The following RNF112 variants were observed in gnomAD, a reference collection of about 807,000 sequenced individuals.
RNF112 encodes brain finger protein.
A neutral mutation model predicts 64.7 loss-of-function variants in RNF112; 34 were observed. The observed-to-expected ratio is 0.53, with a 90% CI of 0.40 to 0.70. The LOEUF is 0.70. Ranked by LOEUF, RNF112 falls within the 30% of genes least tolerant of loss-of-function variation. The pLI is 0.00. For missense variants in RNF112, 734 were observed against 850.0 expected, an observed-to-expected ratio of 0.86 and a Z score of 1.70; for synonymous variants, 345 against 344.5, an observed-to-expected ratio of 1.00 and a Z score of -0.02.
chr17:19,415,853 A>T lies in RNF112; in HGVS notation c.1574A>T (p.Glu525Val). 5 of 1,613,742 alleles carry T rather than the reference A, an allele frequency of 3.1e-6. No individual in the cohort carries two copies. The highest frequency in any genetic ancestry group is 4.2e-6 in the Non-Finnish European group (5 of 1,179,846). The change falls in exon 14 of 14, where the codon GAA (glutamate) becomes GTA (valine). Residue 525 changes from glutamate (E) to valine (V), a missense_variant. By Grantham distance (121) the Glu-to-Val change is moderately radical. Transcript: ENST00000461366. This position sits in a 1 kb window ranked among gnomAD's most constrained non-coding sequence, Gnocchi z 7.8. Reference protein sequence around the residue: ...KGRDQTLEALEAELQATAKAF... With the variant: ...KGRDQTLEALVAELQATAKAF... ...AGAGATCAGACCTTGGAGGCACTGG[A>T]AGCTGAGCTGCAGGCCACGGCCAAG...
Position 19,413,167 on chromosome 17 carries a change from G to C in RNF112, c.588+23G>C. ...CTGGTGAGGGCGGGGCGGGGCAGGA[G>C]GGAGGCGGGGAGCAAGGATGGGGGT... is the stretch of plus-strand genomic sequence containing the variant. On this transcript the variant is annotated intron_variant, in intron 4 of 13. Transcript: ENST00000461366. The surrounding 1 kb of genome is among the most constrained non-coding windows in gnomAD (Gnocchi z 5.9). The C allele has an allele frequency of 6.2e-7, 1 of 1,604,672 alleles. No individual in the cohort carries two copies. Among genetic ancestry groups the C allele is most frequent in the Non-Finnish European group, 8.5e-7 (1 of 1,174,798 alleles).
At position 19,413,928 on chromosome 17, in the gene RNF112, G is replaced by A. The variant is rs116952841; in HGVS notation, c.826-167G>A. 6.6e-6 allele frequency among the ~76,000 whole-genome samples: 1 copy of A among 152,154 alleles called. No homozygotes were observed. The highest frequency in any genetic ancestry group is 2.4e-5 in the African/African-American group (1 of 41,442). ...CACATTACCCTCCAGGCTTGTCTCC[G>A]GCCTTGAGGCCAGCCCAGCCCTGCA... On this transcript the variant is annotated intron_variant, in intron 6 of 13. Coordinates refer to ENST00000461366, the MANE Select transcript of RNF112 (RefSeq NM_007148.5). This position sits in a 1 kb window ranked among gnomAD's most constrained non-coding sequence, Gnocchi z 5.9.
Position 19,415,138 on chromosome 17 carries a change from C to G in RNF112, c.1227C>G (p.Asn409Lys), listed in dbSNP as rs377446267. 1.5e-5 allele frequency: 24 copies of G among 1,609,540 alleles called. No individual in the cohort carries two copies. Among genetic ancestry groups the G allele is most frequent in the Non-Finnish European group, 1.9e-5 (22 of 1,179,014 alleles). The stretch of plus-strand genomic sequence containing the variant: ...AGAGCCGCTGCCAGGGGTACTGGAA[C>G]GAGGGGCGCGCCGTGGCCAGGGGGG... ...HAKSRCQGYW[N>K]EGRAVARGDR... The change falls in exon 11 of 14, where the codon AAC becomes AAG. Residue 409 changes from asparagine (N) to lysine (K), a missense_variant. Asn to Lys is a moderately conservative substitution (Grantham distance 94). Transcript: ENST00000461366. The surrounding 1 kb of genome is among the most constrained non-coding windows in gnomAD (Gnocchi z 7.8).
Position 19,413,361 on chromosome 17 carries a change from G to T in RNF112, c.670G>T (p.Gly224Cys). 1 of 1,613,334 alleles carries T rather than the reference G, an allele frequency of 6.2e-7. No individual in the cohort carries two copies. Among genetic ancestry groups the T allele is most frequent in the Non-Finnish European group, 8.5e-7 (1 of 1,179,650 alleles). ...GTGGGGCGCCAATGGCCTCGCCAGG[G>T]GCATATGGATGTGGAGCCACCCCTT... ...CRWGANGLARGIWMWSHPFLL... is the reference protein window; with the variant it reads ...CRWGANGLARCIWMWSHPFLL... The change falls in exon 5 of 14, where the codon GGC (glycine) becomes TGC (cysteine). Residue 224 changes from glycine (G) to cysteine (C), a missense_variant. By Grantham distance (159) the Gly-to-Cys change is radical (BLOSUM62 -3). Coordinates refer to ENST00000461366, the MANE Select transcript of RNF112 (RefSeq NM_007148.5). This position sits in a 1 kb window ranked among gnomAD's most constrained non-coding sequence, Gnocchi z 5.9.
chr17:19,414,402 G>A (rs773976803), intron 7 of RNF112, 47 bp from the exon 8 acceptor site: 2 of 1,610,430 alleles, frequency 1.2e-6, no homozygotes, highest in Non-Finnish European at 1.7e-6. Flanking sequence ...GTGCACCATA[G>A]TCCTCAAAGT....
chr17:19,412,537 G>T lies in RNF112; in HGVS notation c.135G>T (p.Gly45=), dbSNP rs1483921679. 1.2e-6 allele frequency: 2 copies of T among 1,613,370 alleles called. No individual in the cohort carries two copies. Among genetic ancestry groups the T allele is most frequent in the Admixed American group, 1.7e-5 (1 of 59,952 alleles). Residue 45 remains glycine (G), a synonymous_variant, in exon 3 of 14, where the codon GGG becomes GGT. Transcript: ENST00000461366. This position sits in a 1 kb window ranked among gnomAD's most constrained non-coding sequence, Gnocchi z 5.1. ...TCCCCAAGTTGGAGCTAGGCCTGGGGCCCCAGCCCATGGCGCCCCGGGAGC... is the reference window on the plus strand; with the variant it reads ...TCCCCAAGTTGGAGCTAGGCCTGGGTCCCCAGCCCATGGCGCCCCGGGAGC... ...TPFPKLELGL[G]PQPMAPRELP...
rs1913662904 is a variant in RNF112, at chr17:19,411,652, G to A, written c.77G>A (p.Gly26Glu). 6.4e-7 allele frequency: 1 copy of A among 1,571,488 alleles called. No homozygotes were observed. Among genetic ancestry groups the A allele is most frequent in the Non-Finnish European group, 8.6e-7 (1 of 1,159,448 alleles). ...GKRERKQSFM[G>E]NSGNSWSHTP... ...AAGGAGAGAAAACAGAGCTTCATGG[G>A]AAACAGCGGCAACAGTTGGTAAGTA... Residue 26 changes from glycine (G) to glutamate (E), a missense_variant, in exon 2 of 14, where the codon GGA (glycine) becomes GAA (glutamate). By Grantham distance (98) the Gly-to-Glu change is moderately conservative. Coordinates refer to ENST00000461366, the MANE Select transcript of RNF112 (RefSeq NM_007148.5).
intron 2 of RNF112, 49 bp downstream of exon 2, chr17:19,411,719 AG>A (rs1913666152): frequency 2.6e-6 from 4 of 1,546,640 alleles, no homozygotes; most frequent in Non-Finnish European, 3.5e-6. Context: ...GAGGCCAGGC[AG>A]GTCAGTTGAA....
At position 19,416,392 on chromosome 17, in the gene RNF112, C is replaced by A. The variant is rs978679346; in HGVS notation, c.*217C>A. ...TGGGGGCAGTGGATAGAACACCCGGCCTGTTTCTGGTTGCAGATGGTTGCC... is the reference window on the plus strand; with the variant it reads ...TGGGGGCAGTGGATAGAACACCCGGACTGTTTCTGGTTGCAGATGGTTGCC... On this transcript the variant is annotated 3_prime_UTR_variant, in exon 14 of 14. Coordinates refer to ENST00000461366, the MANE Select transcript of RNF112 (RefSeq NM_007148.5). 3.8e-6 allele frequency: 2 copies of A among 526,130 alleles called. No individual in the cohort carries two copies. Among genetic ancestry groups the A allele is most frequent in the African/African-American group, 3.9e-5 (2 of 51,386 alleles). The allele number at this position is 526,130 out of a possible 1,614,324, so 32.6% of individuals were successfully genotyped here. A position where few individuals can be genotyped will look rare whatever the true frequency, so the allele number is the denominator to read the frequency against.
Position 19,413,250 on chromosome 17 carries a change from A to G in RNF112, c.589-30A>G, listed in dbSNP as rs561260969. The stretch of plus-strand genomic sequence containing the variant: ...GGTCTGTGGGGACAAGGAACCGACC[A>G]ACTGATGCTCTCCCTTCTCTCCCCT... On this transcript the variant is annotated intron_variant, in intron 4 of 13. Transcript: ENST00000461366. The surrounding 1 kb of genome is among the most constrained non-coding windows in gnomAD (Gnocchi z 5.9). 6.3e-6 allele frequency: 10 copies of G among 1,596,802 alleles called. No homozygotes were observed. Among genetic ancestry groups the G allele is most frequent in the South Asian group, 1.1e-5 (1 of 89,618 alleles).
In RNF112 at chr17:19,415,018, C is replaced by G. The variant is rs564243533; in HGVS notation, c.1127-20C>G. 1 of 1,582,250 alleles carries G rather than the reference C, an allele frequency of 6.3e-7. No individual in the cohort carries two copies. The highest frequency in any genetic ancestry group is 2.3e-5 in the East Asian group (1 of 44,362). On this transcript the variant is annotated intron_variant, in intron 10 of 13. Coordinates refer to ENST00000461366, the MANE Select transcript of RNF112 (RefSeq NM_007148.5). The surrounding 1 kb of genome is among the most constrained non-coding windows in gnomAD (Gnocchi z 7.8). ...CCTCCCAAAGCCCGCAGTCTCTCAG[C>G]ATGCACATCTCTCCCTCAGACACAG...
At chr17:19,414,963 C>T in intron 10 of RNF112, 75 bp from the exon 11 acceptor site, 1 of 1,590,700 alleles carries the variant, frequency 6.3e-7, no homozygotes, top group South Asian at 1.1e-5. Flanking sequence ...CTTGAAGCAC[C>T]CACCTCTCCT....
In RNF112 at chr17:19,412,668, G is replaced by T. The variant is rs371277768; in HGVS notation, c.266G>T (p.Cys89Phe). The part of the protein sequence containing the change: ...RCFSTHRLPG[C>F]EPPCCPECRK... ...TTCAGCACACACCGTCTCCCGGGCTGTGAGCCGCCCTGCTGTCCTGAGTGC... is the reference window on the plus strand; with the variant it reads ...TTCAGCACACACCGTCTCCCGGGCTTTGAGCCGCCCTGCTGTCCTGAGTGC... Residue 89 changes from cysteine to phenylalanine, a missense_variant, in exon 3 of 14, where the codon TGT (cysteine) becomes TTT (phenylalanine). Coordinates refer to ENST00000461366, the MANE Select transcript of RNF112 (RefSeq NM_007148.5). The surrounding 1 kb of genome is among the most constrained non-coding windows in gnomAD (Gnocchi z 5.1). 1 of 1,613,384 alleles carries T rather than the reference G, an allele frequency of 6.2e-7. No individual in the cohort carries two copies.
At chr17:19,411,841 G>T in intron 2 of RNF112, 171 bp downstream of exon 2, 2 of 693,342 alleles carry the variant, frequency 2.9e-6, no homozygotes, top group Non-Finnish European at 5.0e-6. Context: ...GGTGGGTGCT[G>T]CAGGGAGGCA....
Position 19,411,657 on chromosome 17 carries a change from A to C in RNF112, c.82A>C (p.Ser28Arg). Residue 28 changes from serine (S) to arginine (R), a missense_variant, in exon 2 of 14, where the codon AGC becomes CGC. Transcript: ENST00000461366. ...GAGAAAACAGAGCTTCATGGGAAAC[A>C]GCGGCAACAGTTGGTAAGTAGCAGG... ...RERKQSFMGN[S>R]GNSWSHTPFP... 5.1e-6 allele frequency: 8 copies of C among 1,572,756 alleles called. No individual in the cohort carries two copies. The highest frequency in any genetic ancestry group is 6.9e-6 in the Non-Finnish European group (8 of 1,160,124).
rs903579676 is a variant in RNF112, at chr17:19,412,915, G to T, written c.382-23G>T. The T allele has an allele frequency of 1.9e-6, 3 of 1,566,426 alleles. No individual in the cohort carries two copies. Among genetic ancestry groups the T allele is most frequent in the East Asian group, 2.3e-5 (1 of 43,060 alleles). On this transcript the variant is annotated intron_variant, in intron 3 of 13. Coordinates refer to ENST00000461366, the MANE Select transcript of RNF112 (RefSeq NM_007148.5). This position sits in a 1 kb window ranked among gnomAD's most constrained non-coding sequence, Gnocchi z 5.1. ...AGGAGCTGGTCCTGGATGCTCAGGG[G>T]CCCCTCTCTTCTCCTGGCCCAGGAG... is the stretch of plus-strand genomic sequence containing the variant.
rs745737016 is a variant in RNF112 at position 19,416,167 on chromosome 17, G to A, written c.1888G>A (p.Glu630Lys). The A allele has an allele frequency of 5.1e-6, 8 of 1,556,392 alleles. No individual in the cohort carries two copies. In the South Asian group the frequency reaches 7.1e-5, roughly 14 times the overall value. Residue 630 changes from glutamate (E) to lysine (K), a missense_variant, in exon 14 of 14, where the codon GAA (glutamate) becomes AAA (lysine). Coordinates refer to ENST00000461366, the MANE Select transcript of RNF112 (RefSeq NM_007148.5). ...LEGDREPLLQ[E>K]E Reference sequence around the variant, plus strand: ...AGGGGACCGAGAGCCCCTTCTCCAGGAAGAGTAACAGCCCCAGGAGGTATT... The same window carrying A: ...AGGGGACCGAGAGCCCCTTCTCCAGAAAGAGTAACAGCCCCAGGAGGTATT...
chr17:19,415,899 G>T lies in RNF112; in HGVS notation c.1620G>T (p.Thr540=). ...CCAAGGCCTTCATGGACTCCTACAC[G>T]ATGCGCTTCTGTGGCCACCTAGCTG... ...ATAKAFMDSY[T]MRFCGHLAAV... is the part of the protein sequence containing the mutation. Residue 540 remains threonine, a synonymous_variant, in exon 14 of 14, where the codon ACG becomes ACT. Transcript: ENST00000461366. This position sits in a 1 kb window ranked among gnomAD's most constrained non-coding sequence, Gnocchi z 7.8. 6.2e-7 allele frequency: 1 copy of T among 1,612,848 alleles called. No individual in the cohort carries two copies. The highest frequency in any genetic ancestry group is 8.5e-7 in the Non-Finnish European group (1 of 1,179,532).
chr17:19,411,544 G>A, intron 1 of RNF112, 82 bp downstream of exon 1: 1 of 1,135,480 alleles, frequency 8.8e-7, no homozygotes. Flanking sequence ...CGGGGGTGGG[G>A]AGGATGAGGG....
Sources: allele counts gnomAD v4.1 joint callset (sites outside exome capture counted in the v4.1 genomes callset), GRCh38; gene constraint gnomAD v4.1.1; non-coding constraint Gnocchi (gnomAD v3.1); transcripts MANE v1.5; gene names NCBI Gene and HGNC (gene_info 2026-07-23, HGNC 2026-07-21).